Variants in PACRG observed in about 807,000 individuals in gnomAD.
PACRG encodes the protein parkin coregulated gene protein.
In PACRG, 29 loss-of-function variants were observed where a neutral mutation model predicts 29.7. The observed-to-expected ratio is 0.98, with a 90% CI of 0.73 to 1.33. The LOEUF is 1.33. PACRG is among the 40% of genes most tolerant of loss of function. The probability of loss-of-function intolerance (pLI) is 0.00; values close to 1 mark genes in which losing one functional copy is unlikely to be tolerated. For missense variants in PACRG, 279 were observed against 316.2 expected (o/e 0.88, Z 0.89); for synonymous variants, 116 against 118.7 (o/e 0.98, Z 0.15).
chr6:163,064,338 A>G (rs1044854095), intron 3 of PACRG, among the ~76,000 whole-genome samples: 1 of 152,214 alleles, frequency 6.6e-6, no homozygotes, highest in African/African-American at 2.4e-5. Flanking sequence ...CTAAATTTAC[A>G]GTACACACAT....
intron 2 of PACRG, among the ~76,000 whole-genome samples, chr6:163,027,907 C>G (rs1261110842): frequency 6.6e-6 from 1 of 152,170 alleles, no homozygotes; most frequent in African/African-American, 2.4e-5. Flanking sequence ...TAATAAGGGG[C>G]CAGGACTCTC....
At chr6:162,870,463 G>C (rs1480123066) in intron 2 of PACRG, among the ~76,000 whole-genome samples, 1 of 152,022 alleles carries the variant, frequency 6.6e-6, no homozygotes, top group Non-Finnish European at 1.5e-5. Context: ...GGAACAGGTG[G>C]TGTTTGGCTA....
chr6:163,258,948 G>T (rs1035998442), intron 4 of PACRG, among the ~76,000 whole-genome samples: 1 of 152,068 alleles, frequency 6.6e-6, no homozygotes, highest in Non-Finnish European at 1.5e-5. Flanking sequence ...TAATGCTTTG[G>T]TGTGGTTCCA....
intron 4 of PACRG, among the ~76,000 whole-genome samples, chr6:163,243,726 C>A (rs1782589759): frequency 1.3e-5 from 2 of 152,132 alleles, no homozygotes; most frequent in Admixed American, 6.5e-5. Flanking sequence ...TTGAGTGAAA[C>A]CCTGAAACAC....
At chr6:163,216,348 G>C (rs2128157205) in intron 4 of PACRG, among the ~76,000 whole-genome samples, 1 of 152,286 alleles carries the variant, frequency 6.6e-6, no homozygotes, top group African/African-American at 2.4e-5. Context: ...GGAAACCAAG[G>C]TGGAGGAACT....
At chr6:163,119,827 T>A (rs139784254) in intron 4 of PACRG, among the ~76,000 whole-genome samples, 19 of 152,324 alleles carry the variant, frequency 1.2e-4, no homozygotes, top group African/African-American at 4.3e-4. Context: ...CATCATTTTA[T>A]GTATTTTTGT....
At chr6:162,897,782 G>C (rs1403885188) in intron 2 of PACRG, among the ~76,000 whole-genome samples, 1 of 152,178 alleles carries the variant, frequency 6.6e-6, no homozygotes, top group Non-Finnish European at 1.5e-5. Flanking sequence ...TAGTTTGTTG[G>C]CATGCACGGA....
intron 4 of PACRG, among the ~76,000 whole-genome samples, chr6:163,175,344 C>G (rs1258554335): frequency 1.3e-5 from 2 of 151,992 alleles, no homozygotes; most frequent in Non-Finnish European, 2.9e-5. Context: ...TCTGTTGAAG[C>G]TTTGTTTGTT....
At chr6:163,304,425 A>G (rs1048875343) in intron 4 of PACRG, among the ~76,000 whole-genome samples, 6 of 152,200 alleles carry the variant, frequency 3.9e-5, no homozygotes, top group Non-Finnish European at 7.3e-5. Flanking sequence ...CAAGTGCCCA[A>G]TTTGAATTTG....
chr6:163,119,595 C>T (rs1241883706), intron 4 of PACRG, among the ~76,000 whole-genome samples: 4 of 152,130 alleles, frequency 2.6e-5, no homozygotes, highest in South Asian at 4.1e-4. Context: ...CCAAGTGTTA[C>T]GTATTTTGCA....
chr6:163,210,280 A>G (rs1054639217), intron 4 of PACRG, among the ~76,000 whole-genome samples: 2 of 152,232 alleles, frequency 1.3e-5, no homozygotes, highest in Non-Finnish European at 2.9e-5. Flanking sequence ...TAGAACTATC[A>G]AAGTTTAGAT....
intron 4 of PACRG, chr6:163,245,037 A>G (rs1394326076): frequency 4.4e-6 from 2 of 455,704 alleles, no homozygotes; most frequent in South Asian, 1.6e-5. Flanking sequence ...CCATCATTGT[A>G]TGTAAAAGTC....
intron 4 of PACRG, among the ~76,000 whole-genome samples, chr6:163,287,829 C>T (rs1784452019): frequency 6.6e-6 from 1 of 152,146 alleles, no homozygotes; most frequent in Non-Finnish European, 1.5e-5. Flanking sequence ...AACGGTGTGG[C>T]CCGACCGTGG....
intron 4 of PACRG, chr6:163,101,462 C>T (rs1387327916): frequency 1.1e-6 from 1 of 909,148 alleles, no homozygotes; most frequent in Non-Finnish European, 1.3e-6. Context: ...AAACAATCAC[C>T]TAACCAAATG....
At chr6:163,009,146 G>A (rs1805393439) in intron 2 of PACRG, among the ~76,000 whole-genome samples, 1 of 152,146 alleles carries the variant, frequency 6.6e-6, no homozygotes, top group Non-Finnish European at 1.5e-5. Flanking sequence ...GGGTCCATGT[G>A]ACAACAACAA....
In PACRG at chr6:162,847,528, T is replaced by C. The variant is rs77825403; in HGVS notation, c.291+33247T>C. On this transcript the variant is annotated intron_variant, in intron 2 of 4. Coordinates refer to ENST00000366888, the MANE Select transcript of PACRG (RefSeq NM_001080379.2). ...TCAGCAATAACATCTAGTATGTGTG[T>C]ATTGTTGAATGGATAAGGGGCCTCA... Among the ~76,000 whole-genome samples the C allele has an allele frequency of 3.5e-3, 531 of 151,102 alleles. 2 individuals are homozygous for C. Among genetic ancestry groups the C allele is most frequent in the African/African-American group, 0.012 (504 of 41,026 alleles).
At chr6:163,158,452 T>G in intron 4 of PACRG, among the ~76,000 whole-genome samples, 1 of 152,194 alleles carries the variant, frequency 6.6e-6, no homozygotes, top group Non-Finnish European at 1.5e-5. Flanking sequence ...AGATCAAAGC[T>G]TCCATTTTTA....
rs536245104 is a variant in PACRG, at chr6:163,269,990, A to C, written c.614-44837A>C. ...AAGAAAGAAAGAAAGAAAGAAAGAAAGAAAGAAAGAAAGAAAGGAGGGAGG... is the reference window on the plus strand; with the variant it reads ...AAGAAAGAAAGAAAGAAAGAAAGAACGAAAGAAAGAAAGAAAGGAGGGAGG... On this transcript the variant is annotated intron_variant, in intron 4 of 4. Transcript: ENST00000366888. Among the ~76,000 whole-genome samples the C allele has an allele frequency of 7.9e-4, 89 of 112,868 alleles. 3 individuals are homozygous for C. Among genetic ancestry groups the C allele is most frequent in the African/African-American group, 2.9e-3 (85 of 28,942 alleles). The allele number at this position is 112,868 out of a possible 152,430, so 74.0% of individuals were successfully genotyped here. A position where few individuals can be genotyped will look rare whatever the true frequency, so the allele number is the denominator to read the frequency against.
chr6:162,786,582 G>A (rs1185851045), intron 1 of PACRG, among the ~76,000 whole-genome samples: 2 of 152,198 alleles, frequency 1.3e-5, no homozygotes, highest in African/African-American at 4.8e-5. Flanking sequence ...TAGAGCCATA[G>A]TGTAGAGGAG....
Sources: gnomAD v4.1 joint callset for allele counts (sites outside exome capture counted in the v4.1 genomes callset) on GRCh38, gnomAD v4.1.1 for gene constraint, MANE v1.5 for transcripts, NCBI Gene and HGNC (gene_info 2026-07-23, HGNC 2026-07-21) for gene names.